The following FGF14 variants were observed in gnomAD, a reference collection of about 807,000 sequenced individuals.
FGF14 encodes fibroblast growth factor homologous factor 4.
A neutral mutation model predicts 25.5 loss-of-function variants in FGF14; 5 were observed. That is an observed-to-expected ratio of 0.20 (90% CI 0.10 to 0.41). The LOEUF (loss-of-function observed/expected upper bound fraction) is 0.41, where lower values mean the gene tolerates loss of function less well. FGF14 is among the 10% of genes least tolerant of loss of function. The pLI is 1.00. For missense variants in FGF14, 222 were observed against 320.1 expected, an observed-to-expected ratio of 0.69 and a Z score of 2.34; for synonymous variants, 138 against 118.3, an observed-to-expected ratio of 1.17 and a Z score of -1.08.
chr13:102,339,753 A>G (rs1172967299), intron 1 of FGF14, among the ~76,000 whole-genome samples: 1 of 152,206 alleles, frequency 6.6e-6, no homozygotes, highest in African/African-American at 2.4e-5. Context: ...TTCCTTTATC[A>G]AGAAGTCATC....
chr13:101,765,028 GGCATTTTGTGA>G (rs2038290614), intron 3 of FGF14, among the ~76,000 whole-genome samples: 2 of 152,202 alleles, frequency 1.3e-5, no homozygotes, highest in East Asian at 3.9e-4. Flanking sequence ...ATAGATCAGA[GGCATTTTGTGA>G]GCAAGGAGCT....
At chr13:102,068,314 A>G (rs1275131063) in intron 1 of FGF14, among the ~76,000 whole-genome samples, 3 of 152,258 alleles carry the variant, frequency 2.0e-5, no homozygotes, top group Admixed American at 6.5e-5. Flanking sequence ...GCGTGCTGGC[A>G]GTCCTCACAG....
intron 1 of FGF14, among the ~76,000 whole-genome samples, chr13:101,875,992 CAAATT>C (rs1200509861): frequency 6.6e-6 from 1 of 152,050 alleles, no homozygotes; most frequent in Non-Finnish European, 1.5e-5. Context: ...AGAAATTAGA[CAAATT>C]AAACTGCTAA....
intron 1 of FGF14, chr13:102,003,390 G>T (rs2039605900): frequency 6.6e-6 from 1 of 152,134 alleles, no homozygotes; most frequent in Non-Finnish European, 1.5e-5. Flanking sequence ...TTCACTTGAG[G>T]GACTGAAATA....
chr13:101,943,822 A>ATATATATAT (rs1266549387), intron 1 of FGF14, among the ~76,000 whole-genome samples: 18 of 122,446 alleles, frequency 1.5e-4, no homozygotes, highest in African/African-American at 8.3e-4. Context: ...TAAAAAAAAA[A>ATATATATAT]AAAAATATAT....
Position 101,916,469 on chromosome 13 carries a change from G to A in FGF14, c.177C>T (p.Arg59=), listed in dbSNP as rs759745144. ...CCCACAGACCTTGGCGCCGCAACCT[G>A]CGCTTCTTGAGGCCGAAGATGCGCA... ...SKVRIFGLKK[R]RLRRQDPQLK... Residue 59 remains arginine, a synonymous_variant, in exon 1 of 5, where the codon CGC becomes CGT. Transcript: ENST00000376143. The A allele has an allele frequency of 2.5e-6, 4 of 1,613,954 alleles. No homozygotes were observed. The highest frequency in any genetic ancestry group is 2.5e-6 in the Non-Finnish European group (3 of 1,179,936).
chr13:102,386,338 G>A (rs866998677), intron 1 of FGF14, among the ~76,000 whole-genome samples: 5 of 151,942 alleles, frequency 3.3e-5, no homozygotes, highest in Admixed American at 2.6e-4. Context: ...TGCCATGTCT[G>A]CCAGGCTGGT....
chr13:102,383,538 CATTCTGTTTGGAAAT>C (rs2058235071), intron 1 of FGF14, among the ~76,000 whole-genome samples: 1 of 152,196 alleles, frequency 6.6e-6, no homozygotes, highest in Non-Finnish European at 1.5e-5. Flanking sequence ...ATGTACTCTT[CATTCTGTTTGGAAAT>C]ATTCCAGTCC....
intron 3 of FGF14, among the ~76,000 whole-genome samples, chr13:101,836,762 CT>C (rs1419712322): frequency 6.6e-6 from 1 of 151,802 alleles, no homozygotes; most frequent in African/African-American, 2.4e-5. Context: ...TTTTATTGTC[CT>C]ATTGCATTAA....
chr13:101,972,033 T>C (rs1344896034), intron 1 of FGF14, among the ~76,000 whole-genome samples: 1 of 152,236 alleles, frequency 6.6e-6, no homozygotes, highest in East Asian at 1.9e-4. Context: ...CTTTTAAACA[T>C]ATACTGGGAA....
rs79999474 is a variant in FGF14, at chr13:102,055,195, G to A, written c.209-179899C>T. On this transcript the variant is annotated intron_variant, in intron 1 of 4. Transcript: ENST00000376131. ...TTCCTGCCACATGCCTCATGCACAT[G>A]TTTTTCTAGTCAATTTGAATTTTTA... Among the ~76,000 whole-genome samples, 1,260 of 152,270 alleles carry A rather than the reference G, an allele frequency of 8.3e-3. 15 individuals carry two copies. The highest frequency in any genetic ancestry group is 0.029 in the African/African-American group (1,196 of 41,560).
chr13:101,918,311 T>C (rs1194250802), upstream of FGF14, among the ~76,000 whole-genome samples: 1 of 152,178 alleles, frequency 6.6e-6, no homozygotes, highest in African/African-American at 2.4e-5. Context: ...CAGCTCTGGC[T>C]CCGGGCTTCT....
chr13:101,945,524 C>A (rs2035746265), intron 1 of FGF14, among the ~76,000 whole-genome samples: 1 of 152,192 alleles, frequency 6.6e-6, no homozygotes, highest in Non-Finnish European at 1.5e-5. Flanking sequence ...GGCAGGGATG[C>A]TGGTGGACCG....
chr13:102,237,676 A>G (rs2051396126), intron 1 of FGF14, among the ~76,000 whole-genome samples: 2 of 152,202 alleles, frequency 1.3e-5, no homozygotes, highest in Non-Finnish European at 2.9e-5. Context: ...TAAGCCATAA[A>G]TTAAATACAT....
chr13:101,812,051 T>C (rs1194429933), intron 3 of FGF14, among the ~76,000 whole-genome samples: 1 of 152,192 alleles, frequency 6.6e-6, no homozygotes, highest in Non-Finnish European at 1.5e-5. Context: ...TTTCAAAAGA[T>C]TTATCACTGA....
chr13:102,206,011 A>T (rs2049900363), intron 1 of FGF14, among the ~76,000 whole-genome samples: 2 of 40,178 alleles, frequency 5.0e-5, no homozygotes, highest in African/African-American at 3.1e-4. Flanking sequence ...AAAAAAAAAA[A>T]AAAAAAAAAA....
intron 1 of FGF14, among the ~76,000 whole-genome samples, chr13:102,112,719 T>G (rs889685889): frequency 1.3e-5 from 2 of 152,196 alleles, no homozygotes; most frequent in South Asian, 4.1e-4. Context: ...ATTTATCAAA[T>G]TATTTGATTT....
In FGF14 at chr13:102,272,470, A is replaced by T. The variant is rs1040189403; in HGVS notation, c.208+129001T>A. Among the ~76,000 whole-genome samples the T allele has an allele frequency of 3.6e-4, 55 of 152,210 alleles. 2 individuals carry two copies. Among genetic ancestry groups the T allele is most frequent in the Non-Finnish European group, 3.1e-4 (21 of 68,034 alleles). ...TAATTTATTTCACCCTTGTAAGTCC[A>T]GTACTTGGCACAAAGCAGGTGCAAA... is the stretch of plus-strand genomic sequence containing the variant. On this transcript the variant is annotated intron_variant, in intron 1 of 4. Transcript: ENST00000376131.
At chr13:101,904,905 A>T (rs2032042968) in intron 1 of FGF14, among the ~76,000 whole-genome samples, 1 of 152,212 alleles carries the variant, frequency 6.6e-6, no homozygotes, top group South Asian at 2.1e-4. Flanking sequence ...TGCAACTTTT[A>T]CAATTTTCCA....
Sources: gnomAD v4.1 joint callset for allele counts (sites outside exome capture counted in the v4.1 genomes callset) on GRCh38, gnomAD v4.1.1 for gene constraint, MANE v1.5 for transcripts, NCBI Gene and HGNC (gene_info 2026-07-23, HGNC 2026-07-21) for gene names.